TTC27: variants seen among roughly 807,000 people sequenced by gnomAD.
TTC27 encodes tetratricopeptide repeat protein 27.
In TTC27, 79 loss-of-function variants were observed where a neutral mutation model predicts 115.9. The observed-to-expected ratio is 0.68, with a 90% CI of 0.57 to 0.82. TTC27 has a LOEUF of 0.82. Among genes scored for constraint, TTC27 ranks in the 40% least tolerant of loss-of-function variants. The probability of loss-of-function intolerance (pLI) is 0.00; values close to 1 mark genes in which losing one functional copy is unlikely to be tolerated. For synonymous variants in TTC27, 401 were observed against 356.0 expected (o/e 1.13, Z -1.42); for missense variants, 1,054 against 993.1 (o/e 1.06, Z -0.82).
intron 16 of TTC27, among the ~76,000 whole-genome samples, chr2:32,806,825 T>C (rs1021489317): frequency 2.6e-5 from 4 of 152,164 alleles, no homozygotes; most frequent in African/African-American, 9.7e-5. Flanking sequence ...CTTTTTAAGA[T>C]TGAATATTAG....
At chr2:32,652,377 AT>A (rs989011396) in intron 5 of TTC27, among the ~76,000 whole-genome samples, 37 of 152,048 alleles carry the variant, frequency 2.4e-4, no homozygotes, top group African/African-American at 8.7e-4. Flanking sequence ...TCTCAAAAAA[AT>A]ATATAAATAA....
intron 3 of TTC27, among the ~76,000 whole-genome samples, 155 bp downstream of exon 3, chr2:32,634,160 C>A (rs979279298): frequency 6.6e-6 from 1 of 152,176 alleles, no homozygotes; most frequent in South Asian, 2.1e-4. Context: ...CAGATTTTCA[C>A]AGATTTCCAG....
At chr2:32,634,730 C>G (rs1414646544) in intron 3 of TTC27, among the ~76,000 whole-genome samples, 1 of 152,058 alleles carries the variant, frequency 6.6e-6, no homozygotes, top group Non-Finnish European at 1.5e-5. Context: ...GATCTCAGCT[C>G]ACTGCAACCT....
rs1195490367 is a variant in TTC27, at chr2:32,766,442, C to G, written c.1680+7923C>G. 5 of 426,900 alleles carry G rather than the reference C, an allele frequency of 1.2e-5. No homozygotes were observed. The East Asian group carries it at 2.9e-4, about 25-fold the overall frequency. 26.4% of individuals were successfully genotyped at this position (426,900 alleles called of 1,614,324 possible). On this transcript the variant is annotated intron_variant, in intron 13 of 19. Transcript: ENST00000317907. Reference sequence around the variant, plus strand: ...GAGGCACTGTAGGGTTATTAATTGTCTAATTTCAATATTGTTGTGTCTTAG... The same window carrying G: ...GAGGCACTGTAGGGTTATTAATTGTGTAATTTCAATATTGTTGTGTCTTAG...
chr2:32,660,771 A>G (rs141404518), intron 5 of TTC27, among the ~76,000 whole-genome samples: 2,391 of 152,216 alleles, frequency 0.016, 31 homozygotes, highest in Admixed American at 0.025. Context: ...TCTTTAGTTT[A>G]ATTAGATCTC....
intron 10 of TTC27, among the ~76,000 whole-genome samples, chr2:32,721,149 T>C (rs983374194): frequency 4.6e-5 from 7 of 152,202 alleles, no homozygotes; most frequent in Non-Finnish European, 1.0e-4. Context: ...TCATGCTTAT[T>C]TTAAATCCCC....
intron 16 of TTC27, among the ~76,000 whole-genome samples, chr2:32,794,003 G>T (rs1670622597): frequency 6.6e-6 from 1 of 152,070 alleles, no homozygotes. Context: ...TGTATGTTTT[G>T]GGGCACACCA....
At chr2:32,638,949 C>T (rs1664529701) in intron 3 of TTC27, among the ~76,000 whole-genome samples, 2 of 152,070 alleles carry the variant, frequency 1.3e-5, no homozygotes, top group Non-Finnish European at 1.5e-5. Context: ...TCTCCTGCCT[C>T]AGCCTCCCAA....
chr2:32,759,957 T>C (rs1947312), intron 13 of TTC27, among the ~76,000 whole-genome samples: 151,833 of 152,382 alleles, frequency 1, 75,648 homozygotes, highest in Middle Eastern at 1. Flanking sequence ...ATATTCCATT[T>C]TATGTACATA....
intron 10 of TTC27, among the ~76,000 whole-genome samples, chr2:32,733,039 C>T (rs886460049): frequency 6.6e-6 from 1 of 152,236 alleles, no homozygotes; most frequent in Non-Finnish European, 1.5e-5. Context: ...CCACATGCTT[C>T]TCTAGCAATC....
chr2:32,653,713 T>C (rs1195120887), intron 5 of TTC27, among the ~76,000 whole-genome samples: 1 of 152,196 alleles, frequency 6.6e-6, no homozygotes, highest in Non-Finnish European at 1.5e-5. Context: ...CTAAATGTCA[T>C]TGTCTGTAAT....
intron 16 of TTC27, among the ~76,000 whole-genome samples, chr2:32,800,218 C>T (rs1670875092): frequency 1.3e-5 from 2 of 152,192 alleles, no homozygotes. Context: ...GACGGAGTCT[C>T]GCCCTGTCAC....
At chr2:32,776,908 C>G (rs1418186613) in intron 13 of TTC27, among the ~76,000 whole-genome samples, 1 of 152,144 alleles carries the variant, frequency 6.6e-6, no homozygotes, top group African/African-American at 2.4e-5. Context: ...CCACACCCAG[C>G]CGAATTTTTG....
At chr2:32,665,435 T>G (rs1254065749) in intron 6 of TTC27, among the ~76,000 whole-genome samples, 1 of 152,216 alleles carries the variant, frequency 6.6e-6, no homozygotes, top group African/African-American at 2.4e-5. Context: ...GAGGCTTTTT[T>G]GGGACTATTG....
chr2:32,790,751 A>G (rs1466663091), intron 16 of TTC27, among the ~76,000 whole-genome samples: 2 of 146,480 alleles, frequency 1.4e-5, no homozygotes, highest in African/African-American at 2.5e-5. Flanking sequence ...GCTAGTGACC[A>G]TCATTCCTTT....
At chr2:32,639,896 C>T (rs1664574069) in intron 3 of TTC27, among the ~76,000 whole-genome samples, 1 of 152,144 alleles carries the variant, frequency 6.6e-6, no homozygotes, top group East Asian at 1.9e-4. Context: ...CCCAGCTATT[C>T]GCCCAGGCAG....
intron 12 of TTC27, among the ~76,000 whole-genome samples, chr2:32,756,307 T>C (rs907939831): frequency 6.6e-6 from 1 of 152,236 alleles, no homozygotes; most frequent in Non-Finnish European, 1.5e-5. Context: ...GCAAAAATTC[T>C]GCTGCGGCTA....
intron 5 of TTC27, among the ~76,000 whole-genome samples, chr2:32,655,619 G>A (rs755529453): frequency 9.2e-5 from 14 of 152,100 alleles, no homozygotes; most frequent in Non-Finnish European, 1.6e-4. Context: ...ACCAATGGTG[G>A]ACTCTTGGAA....
chr2:32,638,694 T>C (rs1210869890), intron 3 of TTC27, among the ~76,000 whole-genome samples: 3 of 152,166 alleles, frequency 2.0e-5, no homozygotes, highest in Non-Finnish European at 4.4e-5. Flanking sequence ...CTTTCTTCTA[T>C]TGAATACTTT....
Sources: gnomAD v4.1 joint callset for allele counts (sites outside exome capture counted in the v4.1 genomes callset) on GRCh38, gnomAD v4.1.1 for gene constraint, MANE v1.5 for transcripts, NCBI Gene and HGNC (gene_info 2026-07-23, HGNC 2026-07-21) for gene names.